SPTLC2: variants seen among roughly 807,000 people sequenced by gnomAD.
SPTLC2 encodes serine palmitoyltransferase long chain base subunit 2.
Under a neutral mutation model 62.0 loss-of-function variants are expected in SPTLC2, and 21 were observed. The observed-to-expected ratio is 0.34, with a 90% CI of 0.24 to 0.49. The LOEUF (loss-of-function observed/expected upper bound fraction) is 0.49. Among genes scored for constraint, SPTLC2 ranks in the 20% least tolerant of loss-of-function variants. The probability of loss-of-function intolerance (pLI) is 0.99; values close to 1 mark genes in which losing one functional copy is unlikely to be tolerated. For synonymous variants in SPTLC2, 261 were observed against 261.8 expected, an observed-to-expected ratio of 1.00 and a Z score of 0.03; for missense variants, 511 against 713.0, an observed-to-expected ratio of 0.72 and a Z score of 3.23.
intron 9 of SPTLC2, among the ~76,000 whole-genome samples, chr14:77,525,329 C>T (rs28771140): frequency 0.4 from 60,714 of 151,806 alleles, 12,648 homozygotes; most frequent in Non-Finnish European, 0.46. Context: ...CGGTGGCTCA[C>T]GCCTGTAATC....
chr14:77,534,180 A>ACT (rs1300917676), intron 9 of SPTLC2, among the ~76,000 whole-genome samples: 2 of 18,498 alleles, frequency 1.1e-4, no homozygotes, highest in African/African-American at 1.8e-4. Context: ...TCTCTCTCTC[A>ACT]CACACACACA....
At chr14:77,534,117 C>T (rs754734185) in intron 9 of SPTLC2, among the ~76,000 whole-genome samples, 7 of 151,694 alleles carry the variant, frequency 4.6e-5, no homozygotes, top group African/African-American at 7.3e-5. Flanking sequence ...GAGAGCATGC[C>T]GCCGCACTAC....
chr14:77,586,865 C>A (rs1187156831), intron 2 of SPTLC2, among the ~76,000 whole-genome samples: 1 of 152,148 alleles, frequency 6.6e-6, no homozygotes, highest in African/African-American at 2.4e-5. Flanking sequence ...GACACTAGTA[C>A]ATATATACCA....
rs372313681 is a variant in SPTLC2, at chr14:77,610,408, C to T, written c.132+6040G>A. Among the ~76,000 whole-genome samples the T allele has an allele frequency of 5.1e-4, 77 of 152,292 alleles. 5 individuals are homozygous for T. The South Asian group carries it at 0.015, about 30-fold the overall frequency. ...CCGCCCATCTCGGCTTCCCAAAGTG[C>T]TGGGATTACAGGCGTGAGCCACGGT... On this transcript the variant is annotated intron_variant, in intron 1 of 11. Coordinates refer to ENST00000216484, the MANE Select transcript of SPTLC2 (RefSeq NM_004863.4).
intron 2 of SPTLC2, among the ~76,000 whole-genome samples, chr14:77,586,927 G>A (rs1490789991): frequency 6.6e-6 from 1 of 152,086 alleles, no homozygotes; most frequent in African/African-American, 2.4e-5. Context: ...TTAGTAAAGA[G>A]ATGTGGAACA....
chr14:77,506,372 A>AT lies in SPTLC2; in HGVS notation c.*5911_*5912insA, dbSNP rs1250090895. ...TTACAGGTAACTTGGTCAGGGGAAAAATATGGGTCAACGAAGTAAGATCTC... is the reference window on the plus strand; with the variant it reads ...TTACAGGTAACTTGGTCAGGGGAAAATATATGGGTCAACGAAGTAAGATCTC... On this transcript the variant is annotated 3_prime_UTR_variant, in exon 12 of 12. Transcript: ENST00000216484. 6.6e-6 allele frequency: 1 copy of AT among 152,172 alleles called. No homozygotes were observed. The highest frequency in any genetic ancestry group is 1.9e-4 in the East Asian group (1 of 5,190). The allele number at this position is 152,172 out of a possible 1,614,324, so 9.4% of individuals were successfully genotyped here.
Position 77,555,374 on chromosome 14 carries a change from C to T in SPTLC2, c.1102G>A (p.Glu368Lys), listed in dbSNP as rs369325503. ...GVVEYFGLDP[E>K]DVDVMMGTFT... Reference sequence around the variant, plus strand: ...GTTCCCATCATAACATCCACATCCTCGGGATCCAGGCCAAAGTACTCCACC... The same window carrying T: ...GTTCCCATCATAACATCCACATCCTTGGGATCCAGGCCAAAGTACTCCACC... Residue 368 changes from glutamate (E) to lysine (K), a missense_variant, in exon 8 of 12, where the codon GAG (glutamate) becomes AAG (lysine). Physicochemically the swap from Glu to Lys is moderately conservative, Grantham distance 56. Coordinates refer to ENST00000216484, the MANE Select transcript of SPTLC2 (RefSeq NM_004863.4). The T allele has an allele frequency of 4.3e-6, 7 of 1,614,154 alleles. No homozygotes were observed. The highest frequency in any genetic ancestry group is 2.2e-5 in the East Asian group (1 of 44,874).
rs1451599555 is a variant in SPTLC2, at chr14:77,506,964, A to G, written c.*5320T>C. The G allele has an allele frequency of 6.6e-6, 1 of 152,240 alleles. No individual in the cohort carries two copies. The allele number at this position is 152,240 out of a possible 1,614,324, so 9.4% of individuals were successfully genotyped here. A position where few individuals can be genotyped will look rare whatever the true frequency, so the allele number is the denominator to read the frequency against. On this transcript the variant is annotated 3_prime_UTR_variant, in exon 12 of 12. Transcript: ENST00000216484. ...GGGTCAGTTTATTATAACTTATCCT[A>G]CCAGAAAGAATCACAGTTTAAGGCC... is the stretch of plus-strand genomic sequence containing the variant.
intron 2 of SPTLC2, among the ~76,000 whole-genome samples, chr14:77,586,724 C>T (rs1335702022): frequency 6.6e-6 from 1 of 152,098 alleles, no homozygotes; most frequent in African/African-American, 2.4e-5. Flanking sequence ...AATACACAAA[C>T]CCAGTAGAAA....
At chr14:77,586,353 G>T (rs950568401) in intron 2 of SPTLC2, among the ~76,000 whole-genome samples, 1 of 152,078 alleles carries the variant, frequency 6.6e-6, no homozygotes, top group African/African-American at 2.4e-5. Flanking sequence ...TGGGATTACA[G>T]GTGTGAGCCA....
intron 5 of SPTLC2, among the ~76,000 whole-genome samples, chr14:77,568,314 G>A (rs2079657832): frequency 6.6e-6 from 1 of 152,106 alleles, no homozygotes; most frequent in African/African-American, 2.4e-5. Context: ...TGTGATCACA[G>A]AACATACTTT....
chr14:77,555,586 G>T, intron 7 of SPTLC2, 67 bp from the exon 8 acceptor site: 1 of 1,456,082 alleles, frequency 6.9e-7, no homozygotes, highest in Non-Finnish European at 9.5e-7. Context: ...AAAATTGGGA[G>T]TTTGGCACTT....
intron 9 of SPTLC2, among the ~76,000 whole-genome samples, chr14:77,524,406 T>TA (rs1293968462): frequency 6.6e-6 from 1 of 151,658 alleles, no homozygotes. Flanking sequence ...ACAAACCTTT[T>TA]AGCTATCTAA....
chr14:77,613,784 T>G (rs1185266253), intron 1 of SPTLC2, among the ~76,000 whole-genome samples: 1 of 152,186 alleles, frequency 6.6e-6, no homozygotes, highest in Non-Finnish European at 1.5e-5. Flanking sequence ...TTGGCAACAT[T>G]TCCCCCCCAG....
chr14:77,587,638 G>T (rs1367776548), intron 2 of SPTLC2, among the ~76,000 whole-genome samples: 1 of 151,780 alleles, frequency 6.6e-6, no homozygotes, highest in African/African-American at 2.4e-5. Flanking sequence ...GTGGTGGCAG[G>T]CACCTGTAAT....
At chr14:77,569,564 CAA>C (rs935361339) in intron 5 of SPTLC2, among the ~76,000 whole-genome samples, 1 of 151,512 alleles carries the variant, frequency 6.6e-6, no homozygotes, top group African/African-American at 2.4e-5. Context: ...TATAAACAAC[CAA>C]AAAACAAAAA....
intron 6 of SPTLC2, among the ~76,000 whole-genome samples, chr14:77,557,961 A>G (rs1277963565): frequency 6.6e-6 from 1 of 152,160 alleles, no homozygotes; most frequent in East Asian, 1.9e-4. Context: ...CTGCCCTGAA[A>G]TGAAGTCCTT....
chr14:77,536,694 C>T (rs1173752865), intron 9 of SPTLC2, among the ~76,000 whole-genome samples: 1 of 151,554 alleles, frequency 6.6e-6, no homozygotes, highest in African/African-American at 2.4e-5. Flanking sequence ...TCTATGTAAA[C>T]AAAAGACAAG....
At chr14:77,531,256 C>T (rs1364760601) in intron 9 of SPTLC2, among the ~76,000 whole-genome samples, 2 of 152,186 alleles carry the variant, frequency 1.3e-5, no homozygotes, top group Non-Finnish European at 2.9e-5. Context: ...CATTGAGCAT[C>T]ACTGGCCTCT....
Sources: gnomAD v4.1 joint callset for allele counts (sites outside exome capture counted in the v4.1 genomes callset) on GRCh38, gnomAD v4.1.1 for gene constraint, MANE v1.5 for transcripts, NCBI Gene and HGNC (gene_info 2026-07-23, HGNC 2026-07-21) for gene names.